The following ADGRL2 variants were observed in gnomAD, a reference collection of about 807,000 sequenced individuals.
The protein encoded by ADGRL2 is calcium-independent alpha-latrotoxin receptor 2.
ADGRL2 carries 44 observed loss-of-function variants against 157.4 expected under a neutral mutation model. The observed-to-expected ratio is 0.28, with a 90% CI of 0.22 to 0.36. ADGRL2 has a LOEUF of 0.36. ADGRL2 is among the 10% of genes least tolerant of loss of function. The pLI is 1.00. For synonymous variants in ADGRL2, 585 were observed against 624.7 expected, an observed-to-expected ratio of 0.94 and a Z score of 0.95; for missense variants, 1,510 against 1,768.9, an observed-to-expected ratio of 0.85 and a Z score of 2.63.
At chr1:81,521,966 TG>T (rs1319233891) in intron 2 of ADGRL2, among the ~76,000 whole-genome samples, 5 of 137,566 alleles carry the variant, frequency 3.6e-5, no homozygotes, top group African/African-American at 1.3e-4. Flanking sequence ...ATGTACTTTT[TG>T]TTTTTTTTTT....
At chr1:81,412,632 T>TGA (rs1344359256) in intron 1 of ADGRL2, among the ~76,000 whole-genome samples, 24 of 152,318 alleles carry the variant, frequency 1.6e-4, no homozygotes, top group African/African-American at 5.8e-4. Flanking sequence ...GTAATATTAC[T>TGA]TGTTATGTAG....
intron 1 of ADGRL2, among the ~76,000 whole-genome samples, chr1:81,397,874 T>A (rs181028009): frequency 6.6e-6 from 1 of 152,250 alleles, no homozygotes; most frequent in East Asian, 1.9e-4. Context: ...CTTGGTTGAT[T>A]TTTTCGTCTA....
At chr1:81,670,322 C>G (rs1029078349) in intron 3 of ADGRL2, among the ~76,000 whole-genome samples, 3 of 152,168 alleles carry the variant, frequency 2.0e-5, no homozygotes, top group African/African-American at 7.2e-5. Context: ...AACCAGGCCA[C>G]TTATGCTGAC....
chr1:81,484,967 A>G (rs1045389210), intron 2 of ADGRL2, among the ~76,000 whole-genome samples: 1 of 152,146 alleles, frequency 6.6e-6, no homozygotes, highest in Non-Finnish European at 1.5e-5. Context: ...TGTTTTGGTA[A>G]TTGAGTCAGA....
At chr1:81,674,732 A>C (rs528463517) in intron 3 of ADGRL2, among the ~76,000 whole-genome samples, 1 of 152,284 alleles carries the variant, frequency 6.6e-6, no homozygotes, top group African/African-American at 2.4e-5. Flanking sequence ...AAAGATACCA[A>C]GTTACAATAC....
chr1:81,363,983 CT>C (rs771061560), intron 1 of ADGRL2, among the ~76,000 whole-genome samples: 1 of 152,204 alleles, frequency 6.6e-6, no homozygotes, highest in Non-Finnish European at 1.5e-5. Context: ...CTGCAAATGA[CT>C]TTTTTGTGGG....
intron 1 of ADGRL2, among the ~76,000 whole-genome samples, chr1:81,315,184 C>A (rs1352045753): frequency 1.3e-5 from 2 of 151,780 alleles, no homozygotes; most frequent in African/African-American, 2.4e-5. Flanking sequence ...CATTCATAAT[C>A]AAAAAAGAAG....
At chr1:81,536,023 C>G (rs2079729022) in intron 2 of ADGRL2, among the ~76,000 whole-genome samples, 1 of 152,114 alleles carries the variant, frequency 6.6e-6, no homozygotes, top group South Asian at 2.1e-4. Context: ...CAGATGTAAG[C>G]ACATGAATCT....
intron 1 of ADGRL2, chr1:81,426,744 C>A (rs1390662011): frequency 6.4e-6 from 3 of 465,882 alleles, no homozygotes; most frequent in Middle Eastern, 7.1e-4. Flanking sequence ...TGTGCTCAAC[C>A]ACACAGGTTG....
At position 81,532,079 on chromosome 1, in the gene ADGRL2, T is replaced by C. The variant is rs534976576; in HGVS notation, c.-247-48797T>C. Among the ~76,000 whole-genome samples, 194 of 152,322 alleles carry C rather than the reference T, an allele frequency of 1.3e-3. 1 individual carries two copies. Among genetic ancestry groups the C allele is most frequent in the Admixed American group, 2.0e-3 (31 of 15,298 alleles). The stretch of plus-strand genomic sequence containing the variant: ...CTTTACAAGCTCCATGGCTTTAATA[T>C]ACTATTTAATTTCTCTGAGTTCAGT... On this transcript the variant is annotated intron_variant, in intron 2 of 24. Coordinates refer to the ADGRL2 transcript ENST00000370721.
At chr1:81,733,008 TC>T (rs1357382349) in intron 1 of ADGRL2, among the ~76,000 whole-genome samples, 1 of 152,216 alleles carries the variant, frequency 6.6e-6, no homozygotes, top group East Asian at 1.9e-4. Flanking sequence ...ACTATGATGA[TC>T]TGAGATACTG....
intron 1 of ADGRL2, among the ~76,000 whole-genome samples, chr1:81,325,323 G>T (rs554524662): frequency 1.3e-5 from 2 of 152,248 alleles, no homozygotes; most frequent in Non-Finnish European, 2.9e-5. Flanking sequence ...AAGTCTACCC[G>T]ACCTGTATTT....
At chr1:81,419,992 C>T (rs1321467688) in intron 1 of ADGRL2, among the ~76,000 whole-genome samples, 1 of 152,114 alleles carries the variant, frequency 6.6e-6, no homozygotes, top group Non-Finnish European at 1.5e-5. Context: ...GTCCAGCAAG[C>T]TTGTAATTGT....
chr1:81,985,322 G>C lies in ADGRL2; in HGVS notation c.3475G>C (p.Gly1159Arg). The change falls in exon 21 of 24, where the codon GGT becomes CGT. Residue 1159 changes from glycine to arginine, a missense_variant. This residue lies in a region of ADGRL2 where 497 missense variants were observed against 627.2 expected (regional missense o/e 0.79). Coordinates refer to ENST00000686636, the MANE Select transcript of ADGRL2 (RefSeq NM_001366006.2). ...RKQSESSFIS[G>R]DINSTSTLNQ... ...ACAATCAGAATCTTCTTTTATCTCA[G>C]GTGACATCAATAGCACTTCAACACT... The C allele has an allele frequency of 6.2e-7, 1 of 1,606,486 alleles. No homozygotes were observed. Among genetic ancestry groups the C allele is most frequent in the South Asian group, 1.1e-5 (1 of 90,550 alleles).
intron 2 of ADGRL2, among the ~76,000 whole-genome samples, chr1:81,857,436 A>G (rs149096847): frequency 6.6e-5 from 10 of 152,326 alleles, no homozygotes; most frequent in African/African-American, 2.4e-4. Flanking sequence ...CAGACAGCCA[A>G]TTGAGAAAGT....
At chr1:81,427,150 T>C (rs2101590053) in intron 1 of ADGRL2, 5 of 1,161,878 alleles carry the variant, frequency 4.3e-6, no homozygotes, top group Non-Finnish European at 5.2e-6. Flanking sequence ...CCGGCAATTT[T>C]ATGGGTTGCG....
At chr1:81,806,281 A>G (rs2089136890) in intron 1 of ADGRL2, among the ~76,000 whole-genome samples, 1 of 152,026 alleles carries the variant, frequency 6.6e-6, no homozygotes, top group African/African-American at 2.4e-5. Context: ...AACTAATGTA[A>G]ATATACAGAT....
At chr1:81,371,223 G>A (rs1176755918) in intron 1 of ADGRL2, among the ~76,000 whole-genome samples, 2 of 152,110 alleles carry the variant, frequency 1.3e-5, no homozygotes, top group Non-Finnish European at 2.9e-5. Flanking sequence ...TTTGAACTTT[G>A]AACTATAGCC....
chr1:81,403,566 A>G (rs991657944), intron 1 of ADGRL2, among the ~76,000 whole-genome samples: 5 of 149,044 alleles, frequency 3.4e-5, no homozygotes, highest in South Asian at 2.1e-4. Flanking sequence ...GTGCCTGGCC[A>G]TAACACTTTT....
Sources: gnomAD v4.1 joint callset for allele counts (sites outside exome capture counted in the v4.1 genomes callset) on GRCh38, gnomAD v4.1.1 for gene constraint, gnomAD v4.1.1 regional missense constraint, MANE v1.5 for transcripts, NCBI Gene and HGNC (gene_info 2026-07-23, HGNC 2026-07-21) for gene names.